Variants in PCGF2 observed in about 807,000 individuals in gnomAD.
PCGF2 encodes polycomb group RING finger protein 2.
A neutral mutation model predicts 36.1 loss-of-function variants in PCGF2; 8 were observed. The ratio of observed to expected loss-of-function variants is 0.22; its 90% CI spans 0.13 to 0.40. The LOEUF (loss-of-function observed/expected upper bound fraction) is 0.40. Among genes scored for constraint, PCGF2 ranks in the 10% least tolerant of loss-of-function variants. The pLI is 1.00. For synonymous variants in PCGF2, 198 were observed against 191.2 expected (o/e 1.04, Z -0.29); for missense variants, 436 against 475.9 (o/e 0.92, Z 0.78).
At chr17:38,746,111 C>G (rs1243141814) in intron 2 of PCGF2, among the ~76,000 whole-genome samples, 1 of 152,108 alleles carries the variant, frequency 6.6e-6, no homozygotes, top group Non-Finnish European at 1.5e-5. Context: ...CCTGTCCCCA[C>G]CATGCATTGA....
rs200143494 is a variant in PCGF2, at chr17:38,735,555, G to T, written c.703C>A (p.Arg235=). 1 of 1,584,984 alleles carries T rather than the reference G, an allele frequency of 6.3e-7. No individual in the cohort carries two copies. The highest frequency in any genetic ancestry group is 1.1e-5 in the South Asian group (1 of 87,044). The part of the protein sequence containing the change: ...LKYRVQPACK[R]LTLATVPTPS... ...GTGGGCACCGTGGCTAGGGTGAGCC[G>T]CTTGCAGGCTGGCTGGACACGGTAC... The change falls in exon 11 of 11, where the codon CGG becomes AGG. Residue 235 remains arginine (R), a synonymous_variant. Coordinates refer to ENST00000620225, the MANE Select transcript of PCGF2 (RefSeq NM_007144.3).
Position 38,735,120 on chromosome 17 carries a change from A to T in PCGF2, c.*103T>A. The T allele has an allele frequency of 1.2e-6, 1 of 809,128 alleles. No individual in the cohort carries two copies. The highest frequency in any genetic ancestry group is 1.7e-6 in the Non-Finnish European group (1 of 585,502). The allele number at this position is 809,128 out of a possible 1,614,324, so 50.1% of individuals were successfully genotyped here. ...TTATAAAACCCGCCCCCCACCCCCA[A>T]GGTGGGAAGAGCTGGGGAAAGTAGA... On this transcript the variant is annotated 3_prime_UTR_variant, in exon 11 of 11. Transcript: ENST00000620225.
chr17:38,739,444 C>T lies in PCGF2; in HGVS notation c.209+142G>A. On this transcript the variant is annotated intron_variant, in intron 4 of 10. Coordinates refer to ENST00000620225, the MANE Select transcript of PCGF2 (RefSeq NM_007144.3). This position sits in a 1 kb window ranked among gnomAD's most constrained non-coding sequence, Gnocchi z 4.0. ...CCCTGTGATGAGCCAAATGTAACCC[C>T]AAGGTCGGGGAGTAGCCCAGGTCCA... 2.3e-6 allele frequency: 2 copies of T among 876,706 alleles called. No homozygotes were observed. Among genetic ancestry groups the T allele is most frequent in the South Asian group, 1.4e-5 (1 of 71,424 alleles). 54.3% of individuals were successfully genotyped at this position (876,706 alleles called of 1,614,324 possible).
At chr17:38,736,224 C>T in intron 9 of PCGF2, 54 bp from the exon 10 acceptor site, 1 of 1,184,224 alleles carries the variant, frequency 8.4e-7, no homozygotes, top group Non-Finnish European at 1.2e-6. Context: ...GGGCTCCAGG[C>T]TGGGAATGTG....
In PCGF2 at chr17:38,735,285, A is replaced by G. The variant is rs1906603123; in HGVS notation, c.973T>C (p.Ser325Pro). The change falls in exon 11 of 11, where the codon TCC (serine) becomes CCC (proline). Residue 325 changes from serine (S) to proline (P), a missense_variant. By Grantham distance (74) the Ser-to-Pro change is moderately conservative. Transcript: ENST00000620225. ...GGSLNCLQTP[S>P]STSRGRKMTV... ...ATCTTGCGCCCCCTGCTGGTGGAGG[A>G]TGGTGTCTGCAGGCAGTTCAAGCTA... 4 of 1,485,688 alleles carry G rather than the reference A, an allele frequency of 2.7e-6. No individual in the cohort carries two copies. In the South Asian group the frequency reaches 5.4e-5, roughly 20 times the overall value. 92.0% of individuals were successfully genotyped at this position (1,485,688 alleles called of 1,614,324 possible).
rs1282762333 is a variant in PCGF2 at position 38,739,894 on chromosome 17, T to A, written c.113-212A>T. Among the ~76,000 whole-genome samples the A allele has an allele frequency of 6.6e-6, 1 of 152,150 alleles. No homozygotes were observed. Among genetic ancestry groups the A allele is most frequent in the Non-Finnish European group, 1.5e-5 (1 of 68,020 alleles). Reference sequence around the variant, plus strand: ...TCTTGTGTGAGACAGGCCAGTGTCATGTACAATGCAGAAGGTCAGCCCTGA... The same window carrying A: ...TCTTGTGTGAGACAGGCCAGTGTCAAGTACAATGCAGAAGGTCAGCCCTGA... On this transcript the variant is annotated intron_variant, in intron 3 of 10. Transcript: ENST00000620225. This position sits in a 1 kb window ranked among gnomAD's most constrained non-coding sequence, Gnocchi z 4.0.
chr17:38,736,995 G>A (rs1394781730), intron 9 of PCGF2, among the ~76,000 whole-genome samples: 1 of 151,944 alleles, frequency 6.6e-6, no homozygotes, highest in East Asian at 1.9e-4. Context: ...AGCCGGGTGT[G>A]GTGCCACATG....
In PCGF2 at chr17:38,736,084, G is replaced by A. The variant is rs992287566; in HGVS notation, c.657+6C>T. 1 of 1,565,826 alleles carries A rather than the reference G, an allele frequency of 6.4e-7. No individual in the cohort carries two copies. The highest frequency in any genetic ancestry group is 1.9e-5 in the Admixed American group (1 of 53,052). ...TGCTCCCTGCCCGCCCCACTCGCTG[G>A]CTCACCCGCCGCCAGGGGTAGATGT... On this transcript the variant is annotated splice_donor_region_variant and intron_variant, in intron 10 of 10. Transcript: ENST00000620225.
chr17:38,739,496 G>T lies in PCGF2; in HGVS notation c.209+90C>A. ...ACCCCATGCTTCTCCTACACCTGCC[G>T]CCTTGGCTGAAGGAAGCACGGAGCG... On this transcript the variant is annotated intron_variant, in intron 4 of 10. Coordinates refer to ENST00000620225, the MANE Select transcript of PCGF2 (RefSeq NM_007144.3). This position sits in a 1 kb window ranked among gnomAD's most constrained non-coding sequence, Gnocchi z 4.0. The T allele has an allele frequency of 9.0e-7, 1 of 1,106,434 alleles. No homozygotes were observed. The highest frequency in any genetic ancestry group is 1.4e-6 in the Non-Finnish European group (1 of 719,452). 68.5% of individuals were successfully genotyped at this position (1,106,434 alleles called of 1,614,324 possible). A position where few individuals can be genotyped will look rare whatever the true frequency, so the allele number is the denominator to read the frequency against.
intron 2 of PCGF2, among the ~76,000 whole-genome samples, chr17:38,745,287 G>A (rs554113216): frequency 7.5e-4 from 114 of 152,256 alleles, no homozygotes; most frequent in Non-Finnish European, 1.4e-3. Flanking sequence ...AGCCGAGATT[G>A]CGCCACTGCA....
chr17:38,747,674 C>A (rs1410056567), intron 2 of PCGF2, among the ~76,000 whole-genome samples: 1 of 152,166 alleles, frequency 6.6e-6, no homozygotes, highest in Non-Finnish European at 1.5e-5. Flanking sequence ...TCGCGGCCGC[C>A]CCAAAGCACA....
intron 2 of PCGF2, among the ~76,000 whole-genome samples, chr17:38,742,639 C>G (rs1385832454): frequency 1.3e-5 from 2 of 152,214 alleles, no homozygotes; most frequent in African/African-American, 4.8e-5. Flanking sequence ...ATGGGTCCCC[C>G]CTTTGCAATT....
At chr17:38,743,968 C>G (rs228229) in intron 2 of PCGF2, among the ~76,000 whole-genome samples, 26,359 of 152,000 alleles carry the variant, frequency 0.17, 2,806 homozygotes, top group East Asian at 0.56. Flanking sequence ...AGACACAGAT[C>G]CCAAGAAACA....
Position 38,735,455 on chromosome 17 carries a change from G to A in PCGF2, c.803C>T (p.Thr268Ile), listed in dbSNP as rs1228477563. ...CAGGGAGGAGGAGGTGGCTGGCAGG[G>A]TGGCAGGGCTGGGAGCCTTGTCGCT... ...SVSDKAPSPA[T>I]LPATSSSLPS... The change falls in exon 11 of 11, where the codon ACC (threonine) becomes ATC (isoleucine). Residue 268 changes from threonine to isoleucine, a missense_variant. This residue lies in a region of PCGF2 where 227 missense variants were observed against 212.9 expected (regional missense o/e 1.07). Transcript: ENST00000620225. 1.3e-6 allele frequency: 2 copies of A among 1,588,688 alleles called. No individual in the cohort carries two copies. Among genetic ancestry groups the A allele is most frequent in the Non-Finnish European group, 1.7e-6 (2 of 1,167,446 alleles).
chr17:38,738,359 C>T lies in PCGF2; in HGVS notation c.570G>A (p.Lys190=), dbSNP rs770659495. 1.2e-6 allele frequency: 2 copies of T among 1,613,786 alleles called. No individual in the cohort carries two copies. The highest frequency in any genetic ancestry group is 1.7e-5 in the Admixed American group (1 of 60,024). ...GAAAGGCCCAGGGACCCACCTTGTA[C>T]TTGCTGGGCACATCCATCTTGTTGC... ...FLRNKMDVPS[K]YKVEVLYEDE... The change falls in exon 9 of 11, where the codon AAG becomes AAA. Residue 190 remains lysine (K), a synonymous_variant. Coordinates refer to ENST00000620225, the MANE Select transcript of PCGF2 (RefSeq NM_007144.3).
At chr17:38,735,973 A>G (rs1169942317) in intron 10 of PCGF2, 117 bp downstream of exon 10, 2 of 748,468 alleles carry the variant, frequency 2.7e-6, no homozygotes, top group South Asian at 1.6e-5. Context: ...CTGGACATGC[A>G]GCTCATGGGA....
chr17:38,745,020 C>A (rs1386178474), intron 2 of PCGF2, among the ~76,000 whole-genome samples: 1 of 152,172 alleles, frequency 6.6e-6, no homozygotes, highest in African/African-American at 2.4e-5. Context: ...CAAAACCAGG[C>A]TGGCAAAGAT....
At position 38,735,385 on chromosome 17, in the gene PCGF2, C is replaced by A; in HGVS notation, c.873G>T (p.Gly291=). 1 of 1,567,362 alleles carries A rather than the reference C, an allele frequency of 6.4e-7. No homozygotes were observed. The highest frequency in any genetic ancestry group is 8.7e-7 in the Non-Finnish European group (1 of 1,155,318). The change falls in exon 11 of 11, where the codon GGG becomes GGT. Residue 291 remains glycine, a synonymous_variant. Coordinates refer to ENST00000620225, the MANE Select transcript of PCGF2 (RefSeq NM_007144.3). ...TPSHGSPSSH[G]PPATHPTSPT... ...GGGAGGTAGGGTGGGTGGCTGGAGG[C>A]CCATGGGAACTGGGAGAGCCATGGG... is the stretch of plus-strand genomic sequence containing the variant.
At chr17:38,745,781 G>A (rs953858816) in intron 2 of PCGF2, among the ~76,000 whole-genome samples, 1 of 152,154 alleles carries the variant, frequency 6.6e-6, no homozygotes, top group Admixed American at 6.5e-5. Flanking sequence ...GTGGGCCGCC[G>A]TCTGGGAGGG....
Sources: gnomAD v4.1 joint callset for allele counts (sites outside exome capture counted in the v4.1 genomes callset) on GRCh38, gnomAD v4.1.1 for gene constraint, gnomAD v4.1.1 regional missense constraint, Gnocchi (gnomAD v3.1) non-coding constraint, MANE v1.5 for transcripts, NCBI Gene and HGNC (gene_info 2026-07-23, HGNC 2026-07-21) for gene names.